The following FBXO34 variants were observed in gnomAD, a reference collection of about 807,000 sequenced individuals.
The protein encoded by FBXO34 is F-box protein 34.
Under a neutral mutation model 24.5 loss-of-function variants are expected in FBXO34, and 12 were observed. The observed-to-expected ratio is 0.49, with a 90% confidence interval of 0.31 to 0.79. The LOEUF (loss-of-function observed/expected upper bound fraction) is 0.79, where lower values mean the gene tolerates loss of function less well. Among genes scored for constraint, FBXO34 ranks in the 30% least tolerant of loss-of-function variants. The probability of loss-of-function intolerance (pLI) is 0.04; values close to 1 mark genes in which losing one functional copy is unlikely to be tolerated. For missense variants in FBXO34, 823 were observed against 857.7 expected (o/e 0.96, Z 0.51); for synonymous variants, 320 against 311.9 (o/e 1.03, Z -0.27).
At chr14:55,427,189 G>C in the FBXO34 span, among the ~76,000 whole-genome samples, 1 of 152,146 alleles carries the variant, frequency 6.6e-6, no homozygotes, top group Non-Finnish European at 1.5e-5. Flanking sequence ...GATACCTAAA[G>C]AGGCAACATG....
Position 55,350,711 on chromosome 14 carries a change from C to G in FBXO34, c.321C>G (p.Ile107Met), listed in dbSNP as rs113024310. 8.1e-6 allele frequency: 13 copies of G among 1,613,296 alleles called. No individual in the cohort carries two copies. Among genetic ancestry groups the G allele is most frequent in the African/African-American group, 5.3e-5 (4 of 74,916 alleles). The change falls in exon 2 of 2, where the codon ATC becomes ATG. Residue 107 changes from isoleucine to methionine, a missense_variant. By Grantham distance (10) the Ile-to-Met change is conservative (BLOSUM62 1). This residue lies in a region of FBXO34 where 693 missense variants were observed against 659.1 expected (regional missense o/e 1.05). Transcript: ENST00000313833. The part of the protein sequence containing the change: ...HQGEEEGPLD[I>M]WAVVKPGNTK... ...GCGAAGAAGAAGGACCACTTGATAT[C>G]TGGGCTGTTGTGAAACCTGGAAATA...
the FBXO34 span, among the ~76,000 whole-genome samples, chr14:55,380,871 A>T: frequency 8.9e-5 from 8 of 90,032 alleles, no homozygotes; most frequent in Non-Finnish European, 4.1e-5. Context: ...ATATATATAT[A>T]TATATTTTTT....
At chr14:55,383,206 T>C in the FBXO34 span, among the ~76,000 whole-genome samples, 37 of 152,168 alleles carry the variant, frequency 2.4e-4, 1 homozygote, top group Non-Finnish European at 2.9e-5. Flanking sequence ...ACAGGTTCCA[T>C]GTCTTGAACT....
At chr14:55,386,898 C>A in the FBXO34 span, among the ~76,000 whole-genome samples, 5 of 152,132 alleles carry the variant, frequency 3.3e-5, no homozygotes, top group African/African-American at 1.2e-4. Flanking sequence ...AACCCAAGTT[C>A]AAAATCAAGT....
chr14:55,320,148 C>A (rs1351383426), intron 1 of FBXO34, among the ~76,000 whole-genome samples: 1 of 152,174 alleles, frequency 6.6e-6, no homozygotes, highest in East Asian at 1.9e-4. Context: ...CAAAGCAGAC[C>A]TGCATCTACC....
the FBXO34 span, chr14:55,440,700 G>T: frequency 1.2e-6 from 1 of 819,888 alleles, no homozygotes; most frequent in South Asian, 2.0e-5. Flanking sequence ...GGGGTGGGCC[G>T]GAGAGGGGCG....
chr14:55,312,729 T>A (rs574353980), intron 1 of FBXO34, among the ~76,000 whole-genome samples: 1 of 152,352 alleles, frequency 6.6e-6, no homozygotes, highest in South Asian at 2.1e-4. Flanking sequence ...GAGCTGTACG[T>A]TGCTCCATTT....
At chr14:55,411,343 T>C in the FBXO34 span, among the ~76,000 whole-genome samples, 1 of 152,362 alleles carries the variant, frequency 6.6e-6, no homozygotes, top group East Asian at 1.9e-4. Context: ...TATTCCTTTT[T>C]TCCCCAGTGA....
chr14:55,351,326 G>A lies in FBXO34; in HGVS notation c.936G>A (p.Val312=), dbSNP rs772763699. Residue 312 remains valine, a synonymous_variant, in exon 2 of 2, where the codon GTG becomes GTA. Transcript: ENST00000313833. ...LSRNNSFRRN[V]GRVLLANSTQ... ...GGAATAACAGCTTCCGTCGAAATGT[G>A]GGCAGAGTATTGCTTGCAAATAGCA... 14 of 1,614,084 alleles carry A rather than the reference G, an allele frequency of 8.7e-6. No homozygotes were observed. The highest frequency in any genetic ancestry group is 1.3e-5 in the African/African-American group (1 of 74,928).
At chr14:55,392,347 T>A in the FBXO34 span, among the ~76,000 whole-genome samples, 1 of 151,778 alleles carries the variant, frequency 6.6e-6, no homozygotes, top group Non-Finnish European at 1.5e-5. Flanking sequence ...GAACAAAGGA[T>A]CAATAAAAAT....
intron 1 of FBXO34, among the ~76,000 whole-genome samples, chr14:55,332,695 TGTG>T (rs577767092): frequency 1.4e-4 from 21 of 152,298 alleles, no homozygotes; most frequent in African/African-American, 2.4e-4. Context: ...TAACTTAAAA[TGTG>T]GTATGTTTTG....
the FBXO34 span, among the ~76,000 whole-genome samples, chr14:55,403,356 A>T: frequency 1.3e-5 from 2 of 152,276 alleles, no homozygotes; most frequent in East Asian, 3.9e-4. Context: ...CTGAGGGATT[A>T]TGAAACCAGG....
intron 1 of FBXO34, chr14:55,282,459 A>G (rs2139650229): frequency 4.1e-6 from 1 of 244,772 alleles, no homozygotes; most frequent in Non-Finnish European, 8.6e-6. Flanking sequence ...GCATTATAAG[A>G]ACTTTAAATC....
At chr14:55,431,452 C>A in the FBXO34 span, among the ~76,000 whole-genome samples, 13 of 152,340 alleles carry the variant, frequency 8.5e-5, no homozygotes, top group African/African-American at 2.9e-4. Flanking sequence ...ACCATCCTTT[C>A]AGCTCAGTAT....
At chr14:55,436,031 C>T in the FBXO34 span, 3 of 696,214 alleles carry the variant, frequency 4.3e-6, 1 homozygote, top group East Asian at 9.8e-5. Context: ...TATACCTTAG[C>T]AATTTCCTAG....
chr14:55,429,777 A>G, the FBXO34 span, among the ~76,000 whole-genome samples: 2 of 150,136 alleles, frequency 1.3e-5, no homozygotes, highest in Non-Finnish European at 3.0e-5. Flanking sequence ...AAAAAAAAAA[A>G]AAAAAAAAAA....
At chr14:55,382,512 T>C in the FBXO34 span, among the ~76,000 whole-genome samples, 2 of 152,018 alleles carry the variant, frequency 1.3e-5, no homozygotes, top group African/African-American at 4.8e-5. Flanking sequence ...TTTGTAGAGA[T>C]GGGGTCTCAC....
At chr14:55,370,493 G>GTATT (rs1884789417), downstream of FBXO34, among the ~76,000 whole-genome samples, 1 of 152,180 alleles carries the variant, frequency 6.6e-6, no homozygotes, top group South Asian at 2.1e-4. Context: ...TTTCTGCACT[G>GTATT]TATTTCAGGA....
chr14:55,320,683 G>A (rs761473060), intron 1 of FBXO34, among the ~76,000 whole-genome samples: 5 of 152,184 alleles, frequency 3.3e-5, no homozygotes, highest in Admixed American at 1.3e-4. Flanking sequence ...GTGTGAACCC[G>A]GGAGGTGGAG....
Sources: gnomAD v4.1 joint callset for allele counts (sites outside exome capture counted in the v4.1 genomes callset) on GRCh38, gnomAD v4.1.1 for gene constraint, gnomAD v4.1.1 regional missense constraint, MANE v1.5 for transcripts, NCBI Gene and HGNC (gene_info 2026-07-23, HGNC 2026-07-21) for gene names.